LPAR6: variants seen among roughly 807,000 people sequenced by gnomAD.
LPAR6 encodes lysophosphatidic acid receptor 6.
A neutral mutation model predicts 22.0 loss-of-function variants in LPAR6; 17 were observed. That is an observed-to-expected ratio of 0.77 (90% CI 0.53 to 1.16). The LOEUF (loss-of-function observed/expected upper bound fraction) is 1.16. Among genes scored for constraint, LPAR6 ranks in the 50% most tolerant of loss-of-function variants. LPAR6 has a pLI of 0.00. For missense variants in LPAR6, 384 were observed against 406.9 expected (o/e 0.94, Z 0.48); for synonymous variants, 136 against 139.8 (o/e 0.97, Z 0.19).
intron 1 of LPAR6, among the ~76,000 whole-genome samples, chr13:48,396,108 G>A (rs1302851076): frequency 6.6e-6 from 1 of 152,108 alleles, no homozygotes; most frequent in African/African-American, 2.4e-5. Flanking sequence ...TCCCCATCAA[G>A]CTACCTTTGG....
At position 48,402,741 on chromosome 13, in the gene LPAR6, C is replaced by T. The variant is rs972830536; in HGVS notation, n.115-12929G>A. Among the ~76,000 whole-genome samples, 86 of 152,096 alleles carry T rather than the reference C, an allele frequency of 5.7e-4. 1 individual carries two copies. Among genetic ancestry groups the T allele is most frequent in the Non-Finnish European group, 4.0e-4 (27 of 67,984 alleles). ...TAAATGCAGGTCCATTTTTTCCCCT[C>T]GTTTTAGGTAGCTAAGATTATATTG... On this transcript the variant is annotated intron_variant and non_coding_transcript_variant, in intron 1 of 1. Transcript: ENST00000462781.
At chr13:48,431,985 C>T (rs1443408421) in intron 1 of LPAR6, among the ~76,000 whole-genome samples, 2 of 151,972 alleles carry the variant, frequency 1.3e-5, no homozygotes, top group African/African-American at 4.8e-5. Flanking sequence ...AAAACAAAAT[C>T]CCTGAGCTTA....
chr13:48,392,773 TTA>T (rs2138162819), intron 1 of LPAR6, among the ~76,000 whole-genome samples: 1 of 152,074 alleles, frequency 6.6e-6, no homozygotes, highest in South Asian at 2.1e-4. Flanking sequence ...TCTCTTTTTT[TTA>T]AGAGTCGTAT....
intron 1 of LPAR6, among the ~76,000 whole-genome samples, chr13:48,390,065 T>C (rs1202629171): frequency 6.6e-6 from 1 of 152,102 alleles, no homozygotes; most frequent in Non-Finnish European, 1.5e-5. Flanking sequence ...GAGAATTGCC[T>C]GAGCCTGGGA....
At chr13:48,440,155 T>TTAA (rs1949222984) in intron 1 of LPAR6, among the ~76,000 whole-genome samples, 1 of 152,156 alleles carries the variant, frequency 6.6e-6, no homozygotes, top group Non-Finnish European at 1.5e-5. Context: ...GCATGCATGT[T>TTAA]TAATAAAGCT....
chr13:48,431,925 G>A (rs1351484871), intron 1 of LPAR6, among the ~76,000 whole-genome samples: 1 of 152,042 alleles, frequency 6.6e-6, no homozygotes, highest in Non-Finnish European at 1.5e-5. Context: ...TTTATTGAGT[G>A]TAACTGTGTA....
chr13:48,410,652 A>C (rs1948786225), downstream of LPAR6, among the ~76,000 whole-genome samples: 1 of 152,186 alleles, frequency 6.6e-6, no homozygotes, highest in Non-Finnish European at 1.5e-5. Flanking sequence ...GCAAAATGAC[A>C]TTTTATTAGT....
At chr13:48,421,189 T>C (rs1948999701) in intron 2 of LPAR6, among the ~76,000 whole-genome samples, 1 of 152,054 alleles carries the variant, frequency 6.6e-6, no homozygotes, top group African/African-American at 2.4e-5. Flanking sequence ...AACAGATATA[T>C]TGACCAATGG....
At chr13:48,421,227 C>A (rs1248136930) in intron 2 of LPAR6, among the ~76,000 whole-genome samples, 1 of 152,062 alleles carries the variant, frequency 6.6e-6, no homozygotes, top group Non-Finnish European at 1.5e-5. Context: ...AGAAATAATG[C>A]CACACATCTA....
At chr13:48,424,162 A>G (rs1434246073) in intron 1 of LPAR6, 1 of 152,636 alleles carries the variant, frequency 6.6e-6, no homozygotes, top group African/African-American at 2.4e-5. Flanking sequence ...CAATTTGAGA[A>G]ATGAACATTT....
intron 1 of LPAR6, among the ~76,000 whole-genome samples, chr13:48,442,733 A>G (rs1376844953): frequency 6.6e-6 from 1 of 152,232 alleles, no homozygotes; most frequent in African/African-American, 2.4e-5. Flanking sequence ...GAGCTGGTAT[A>G]TCAGACATCC....
intron 1 of LPAR6, among the ~76,000 whole-genome samples, chr13:48,397,450 A>G (rs548411070): frequency 6.6e-6 from 1 of 152,200 alleles, no homozygotes; most frequent in Non-Finnish European, 1.5e-5. Context: ...CAGTGAGAAC[A>G]CATGGACACA....
At chr13:48,415,285 TTTTC>T (rs988517870), upstream of LPAR6, among the ~76,000 whole-genome samples, 6 of 152,032 alleles carry the variant, frequency 3.9e-5, no homozygotes, top group South Asian at 2.1e-4. Context: ...TTCTTTTTCT[TTTTC>T]TTTCTTTCTT....
upstream of LPAR6, among the ~76,000 whole-genome samples, chr13:48,415,343 G>A (rs564031362): frequency 1.6e-3 from 232 of 149,298 alleles, 2 homozygotes; most frequent in South Asian, 0.013. Flanking sequence ...GCAGTGGTGC[G>A]ATCTTGTCTT....
At chr13:48,435,415 GT>G (rs1385967997) in intron 1 of LPAR6, among the ~76,000 whole-genome samples, 1 of 151,998 alleles carries the variant, frequency 6.6e-6, no homozygotes, top group Non-Finnish European at 1.5e-5. Flanking sequence ...TGATTGGATT[GT>G]TTGTTTTTTA....
chr13:48,438,749 G>T lies in LPAR6; in HGVS notation c.-1474+5804C>A, dbSNP rs1296805826. Among the ~76,000 whole-genome samples the T allele has an allele frequency of 3.3e-5, 5 of 152,068 alleles. No individual in the cohort carries two copies. In the East Asian group the frequency reaches 9.6e-4, roughly 29 times the overall value. ...ACCTTCTTTCTAGAGTTTGTTGTGA[G>T]AATTAAATAATATAAGTAATGTGGT... On this transcript the variant is annotated intron_variant, in intron 1 of 6. Transcript: ENST00000378434.
Position 48,412,292 on chromosome 13 carries a change from G to T in LPAR6, c.132C>A (p.Cys44Ter). Residue 44 changes from cysteine to a stop codon, truncating the protein, a stop_gained, in exon 1 of 1, where the codon TGC becomes TGA. Transcript: ENST00000620633. LOFTEE classifies it high-confidence loss of function. ...TAGTTTCATTTCGGACTTTGAGGAC[G>T]CAGATGAAAATGTATATGGCAACAC... ...SNCVAIYIFI[C>*]VLKVRNETTT... 1.2e-6 allele frequency: 2 copies of T among 1,613,482 alleles called. No individual in the cohort carries two copies. Among genetic ancestry groups the T allele is most frequent in the Non-Finnish European group, 8.5e-7 (1 of 1,179,512 alleles).
intron 1 of LPAR6, among the ~76,000 whole-genome samples, chr13:48,435,374 G>C (rs1949172914): frequency 6.6e-6 from 1 of 152,122 alleles, no homozygotes; most frequent in South Asian, 2.1e-4. Flanking sequence ...CCTCTCTGGT[G>C]AAATTTCTCT....
At chr13:48,417,733 A>G (rs919185863), upstream of LPAR6, among the ~76,000 whole-genome samples, 1 of 152,218 alleles carries the variant, frequency 6.6e-6, no homozygotes. Context: ...GAACTTCGTG[A>G]AGCATACACA....
Sources: allele counts gnomAD v4.1 joint callset (sites outside exome capture counted in the v4.1 genomes callset), GRCh38; gene constraint gnomAD v4.1.1; transcripts MANE v1.5; gene names NCBI Gene and HGNC (gene_info 2026-07-23, HGNC 2026-07-21).